The following SDK1 variants were observed in gnomAD, a reference collection of about 807,000 sequenced individuals.
SDK1 encodes sidekick cell adhesion molecule 1.
Under a neutral mutation model 245.5 loss-of-function variants are expected in SDK1, and 157 were observed. The ratio of observed to expected loss-of-function variants is 0.64; its 90% CI spans 0.56 to 0.73. The LOEUF is 0.73. Among genes scored for constraint, SDK1 ranks in the 30% least tolerant of loss-of-function variants. The pLI, the probability that SDK1 is intolerant of heterozygous loss-of-function variation, is 0.00. For synonymous variants in SDK1, 1,647 were observed against 1,278.5 expected, an observed-to-expected ratio of 1.29 and a Z score of -6.15; for missense variants, 3,583 against 3,002.3, an observed-to-expected ratio of 1.19 and a Z score of -4.52.
At chr7:4,227,450 G>A (rs1414620721) in intron 40 of SDK1, 2 of 470,668 alleles carry the variant, frequency 4.2e-6, no homozygotes, top group Admixed American at 2.4e-5. Flanking sequence ...TAAATCAGAT[G>A]TATTTAGCCT....
At chr7:4,046,969 C>T (rs991483321) in intron 17 of SDK1, among the ~76,000 whole-genome samples, 1 of 152,118 alleles carries the variant, frequency 6.6e-6, no homozygotes, top group African/African-American at 2.4e-5. Flanking sequence ...CCAATGCACC[C>T]ATGTGATATG....
chr7:3,560,356 T>C (rs1249425563), intron 1 of SDK1, among the ~76,000 whole-genome samples: 1 of 152,236 alleles, frequency 6.6e-6, no homozygotes, highest in Non-Finnish European at 1.5e-5. Context: ...ATTACCATTT[T>C]AGTTAATGGC....
chr7:3,936,020 C>G (rs554142551), intron 5 of SDK1, among the ~76,000 whole-genome samples: 2 of 152,262 alleles, frequency 1.3e-5, no homozygotes, highest in South Asian at 2.1e-4. Context: ...TGGATAAACT[C>G]AATAGAGTCC....
At position 3,338,619 on chromosome 7, in the gene SDK1, C is replaced by G. The variant is rs558457093; in HGVS notation, c.298+36735C>G. On this transcript the variant is annotated intron_variant, in intron 1 of 44. Coordinates refer to ENST00000404826, the MANE Select transcript of SDK1 (RefSeq NM_152744.4). ...TGGCATGATAGGTGTTAAAAACAAA[C>G]AAACAAACAAACAAAAAAAAACACC... is the stretch of plus-strand genomic sequence containing the variant. The G allele has an allele frequency of 1.3e-3, 208 of 159,528 alleles. 4 individuals carry two copies. Among genetic ancestry groups the G allele is most frequent in the African/African-American group, 7.4e-3 (201 of 27,312 alleles). The allele number at this position is 159,528 out of a possible 1,614,324, so 9.9% of individuals were successfully genotyped here. A position where few individuals can be genotyped will look rare whatever the true frequency, so the allele number is the denominator to read the frequency against.
chr7:3,468,006 T>G (rs1263356430), intron 1 of SDK1, among the ~76,000 whole-genome samples: 1 of 152,144 alleles, frequency 6.6e-6, no homozygotes, highest in Non-Finnish European at 1.5e-5. Context: ...TAAATCGTTT[T>G]CCACTGTAGA....
chr7:3,894,742 C>T (rs982875606), intron 5 of SDK1, among the ~76,000 whole-genome samples: 12 of 150,904 alleles, frequency 8.0e-5, no homozygotes, highest in African/African-American at 2.4e-4. Context: ...TCTGTCCCCC[C>T]GGTTGGAGTG....
At chr7:4,211,420 G>C (rs890099120) in intron 38 of SDK1, among the ~76,000 whole-genome samples, 3 of 152,040 alleles carry the variant, frequency 2.0e-5, no homozygotes, top group Non-Finnish European at 4.4e-5. Flanking sequence ...GCGGCGAGAA[G>C]GGGAAGGGTG....
chr7:4,031,054 T>C (rs912647877), intron 17 of SDK1, among the ~76,000 whole-genome samples: 4 of 152,312 alleles, frequency 2.6e-5, no homozygotes, highest in African/African-American at 9.6e-5. Flanking sequence ...TACATATACA[T>C]GTATACATAC....
chr7:3,489,167 T>G (rs1454377006), intron 1 of SDK1, among the ~76,000 whole-genome samples: 1 of 152,010 alleles, frequency 6.6e-6, no homozygotes, highest in Non-Finnish European at 1.5e-5. Flanking sequence ...TCACTGAATT[T>G]AAGGCTAGGG....
chr7:3,411,605 T>C lies in SDK1; in HGVS notation c.298+109721T>C, dbSNP rs530426868. ...GATCTGTGATACTTCCCAGCAAATC[T>C]GAAATGCAATACGGGCACTGACATG... On this transcript the variant is annotated intron_variant, in intron 1 of 44. Transcript: ENST00000404826. 1.1e-3 allele frequency among the ~76,000 whole-genome samples: 172 copies of C among 152,302 alleles called. 1 individual carries two copies. Among genetic ancestry groups the C allele is most frequent in the African/African-American group, 3.9e-3 (164 of 41,572 alleles).
intron 4 of SDK1, among the ~76,000 whole-genome samples, chr7:3,697,572 C>G (rs1242930195): frequency 6.6e-6 from 1 of 152,176 alleles, no homozygotes; most frequent in Admixed American, 6.5e-5. Context: ...TCACTGTCTT[C>G]TTACTGCTTG....
intron 5 of SDK1, among the ~76,000 whole-genome samples, chr7:3,896,625 G>A (rs1781613624): frequency 6.6e-6 from 1 of 152,150 alleles, no homozygotes. Context: ...TTTCAAGGCA[G>A]CGAGCTGGAC....
chr7:3,821,706 A>G, intron 5 of SDK1, 123 bp downstream of exon 5: 1 of 1,001,784 alleles, frequency 1.0e-6, no homozygotes, highest in Non-Finnish European at 1.4e-6. Context: ...GTTACGGTTT[A>G]ATATTGATCC....
intron 30 of SDK1, among the ~76,000 whole-genome samples, chr7:4,150,074 T>A (rs1430493462): frequency 6.6e-6 from 1 of 151,892 alleles, no homozygotes; most frequent in Admixed American, 6.5e-5. Context: ...TCCCCCAGGG[T>A]CCTCACAACT....
chr7:3,709,290 G>T (rs966086500), intron 4 of SDK1, among the ~76,000 whole-genome samples: 1 of 152,216 alleles, frequency 6.6e-6, no homozygotes, highest in African/African-American at 2.4e-5. Flanking sequence ...GGCTTGTAAG[G>T]TTTCTCCTGA....
intron 2 of SDK1, among the ~76,000 whole-genome samples, chr7:3,625,969 G>C (rs1782105073): frequency 1.4e-5 from 2 of 146,990 alleles, no homozygotes; most frequent in Non-Finnish European, 3.0e-5. Context: ...TGAGGGAGAG[G>C]GTCTCACTCT....
At chr7:4,143,194 G>T (rs955577325) in intron 28 of SDK1, among the ~76,000 whole-genome samples, 2 of 152,166 alleles carry the variant, frequency 1.3e-5, no homozygotes, top group Admixed American at 1.3e-4. Flanking sequence ...TCCTGGAGCT[G>T]CAGGGGCCTA....
At chr7:3,518,682 A>G (rs1782828977) in intron 1 of SDK1, among the ~76,000 whole-genome samples, 1 of 152,036 alleles carries the variant, frequency 6.6e-6, no homozygotes, top group African/African-American at 2.4e-5. Context: ...AAAAAAAAAC[A>G]TGCTGGCAAT....
chr7:3,854,097 G>A (rs1433038652), intron 5 of SDK1, among the ~76,000 whole-genome samples: 1 of 152,080 alleles, frequency 6.6e-6, no homozygotes, highest in Non-Finnish European at 1.5e-5. Flanking sequence ...TGAGAGTATG[G>A]AATAGGGGTT....
Sources: allele counts gnomAD v4.1 joint callset (sites outside exome capture counted in the v4.1 genomes callset), GRCh38; gene constraint gnomAD v4.1.1; transcripts MANE v1.5; gene names NCBI Gene and HGNC (gene_info 2026-07-23, HGNC 2026-07-21).